Variants in DLC1 observed in about 807,000 individuals in gnomAD.
The protein encoded by DLC1 is DLC1 Rho GTPase activating protein.
DLC1 carries 54 observed loss-of-function variants against 140.3 expected under a neutral mutation model. The observed-to-expected ratio is 0.38, with a 90% CI of 0.31 to 0.48. DLC1 has a LOEUF of 0.48. Among genes scored for constraint, DLC1 ranks in the 20% least tolerant of loss-of-function variants. The pLI, the probability that DLC1 is intolerant of heterozygous loss-of-function variation, is 0.96. For synonymous variants in DLC1, 986 were observed against 728.1 expected, an observed-to-expected ratio of 1.35 and a Z score of -5.70; for missense variants, 2,536 against 1,907.0, an observed-to-expected ratio of 1.33 and a Z score of -6.14.
chr8:13,553,308 A>G (rs1484542660), intron 1 of DLC1, among the ~76,000 whole-genome samples: 1 of 140,736 alleles, frequency 7.1e-6, no homozygotes, highest in Non-Finnish European at 1.5e-5. Context: ...ATATAAGGCC[A>G]ATTTCTCCAT....
intron 1 of DLC1, among the ~76,000 whole-genome samples, chr8:13,514,038 T>A (rs1279146663): frequency 6.7e-6 from 1 of 148,900 alleles, no homozygotes; most frequent in Admixed American, 6.7e-5. Context: ...CGTGTTTACT[T>A]TTTTTTTTTA....
intron 5 of DLC1, among the ~76,000 whole-genome samples, chr8:13,253,431 A>ATGTGTGTGTGTG (rs3065442): frequency 1.3e-5 from 2 of 149,750 alleles, no homozygotes; most frequent in African/African-American, 4.9e-5. Context: ...AATACATATT[A>ATGTGTGTGTGTG]TGTGTGTGTG....
chr8:13,173,150 A>C (rs180685580), intron 5 of DLC1, among the ~76,000 whole-genome samples: 8 of 152,188 alleles, frequency 5.3e-5, no homozygotes, highest in Non-Finnish European at 8.8e-5. Flanking sequence ...AAGTAGACAA[A>C]CGTTTGAGCC....
At chr8:13,447,770 C>G (rs975798469) in intron 2 of DLC1, among the ~76,000 whole-genome samples, 3 of 151,990 alleles carry the variant, frequency 2.0e-5, no homozygotes, top group Non-Finnish European at 4.4e-5. Context: ...TAGTGTTGTT[C>G]TTTATTTTTA....
chr8:13,563,864 T>C (rs1323334261), intron 1 of DLC1, among the ~76,000 whole-genome samples: 1 of 152,144 alleles, frequency 6.6e-6, no homozygotes, highest in Non-Finnish European at 1.5e-5. Context: ...ATGTTGAAAA[T>C]AATTTTTACA....
At chr8:13,451,814 T>C (rs1268322390) in intron 2 of DLC1, among the ~76,000 whole-genome samples, 2 of 152,198 alleles carry the variant, frequency 1.3e-5, no homozygotes, top group Non-Finnish European at 2.9e-5. Context: ...TTGTGAACAG[T>C]GCTGCAACAA....
At chr8:13,102,197 C>G (rs1306118885) in intron 8 of DLC1, among the ~76,000 whole-genome samples, 1 of 152,196 alleles carries the variant, frequency 6.6e-6, no homozygotes, top group Non-Finnish European at 1.5e-5. Flanking sequence ...CTACACCCAC[C>G]TCTTCTCCTA....
intron 1 of DLC1, among the ~76,000 whole-genome samples, chr8:13,537,123 A>G (rs1445355554): frequency 1.5e-5 from 2 of 136,816 alleles, no homozygotes; most frequent in African/African-American, 4.9e-5. Flanking sequence ...ATAACAGTAC[A>G]TTAAAAAAAA....
intron 2 of DLC1, among the ~76,000 whole-genome samples, chr8:13,409,101 TC>T (rs1347019823): frequency 6.6e-6 from 1 of 152,132 alleles, no homozygotes; most frequent in Non-Finnish European, 1.5e-5. Context: ...CCCACTGGCC[TC>T]CGAATGTCAA....
At chr8:13,603,925 G>A (rs1410776431) in intron 1 of DLC1, among the ~76,000 whole-genome samples, 1 of 152,064 alleles carries the variant, frequency 6.6e-6, no homozygotes, top group Non-Finnish European at 1.5e-5. Flanking sequence ...GACTGCGTGA[G>A]TCTGTTTGGT....
chr8:13,261,625 C>A (rs997679139), intron 5 of DLC1, among the ~76,000 whole-genome samples: 39 of 152,164 alleles, frequency 2.6e-4, no homozygotes, highest in African/African-American at 9.2e-4. Context: ...TGTCTTGGCC[C>A]AGGGTGGTGG....
At chr8:13,528,058 A>G (rs1802975998) in intron 1 of DLC1, among the ~76,000 whole-genome samples, 1 of 152,174 alleles carries the variant, frequency 6.6e-6, no homozygotes, top group African/African-American at 2.4e-5. Flanking sequence ...CAAAAAAATC[A>G]TTATTGTTAG....
chr8:13,472,615 T>C (rs1031030975), intron 2 of DLC1, among the ~76,000 whole-genome samples: 4 of 152,170 alleles, frequency 2.6e-5, no homozygotes, highest in Non-Finnish European at 4.4e-5. Context: ...TCATGTTTCA[T>C]TGGGAAGAAC....
intron 5 of DLC1, among the ~76,000 whole-genome samples, chr8:13,161,967 C>G (rs538357200): frequency 2.0e-4 from 31 of 152,120 alleles, no homozygotes; most frequent in African/African-American, 7.2e-4. Context: ...AAATAAAACA[C>G]AAAGTAATTT....
intron 5 of DLC1, among the ~76,000 whole-genome samples, chr8:13,162,537 G>A (rs2116880638): frequency 6.6e-6 from 1 of 152,328 alleles, no homozygotes; most frequent in East Asian, 1.9e-4. Context: ...TGGCCAGGCT[G>A]GTCTTGAGCT....
At chr8:13,094,138 C>T (rs1005354529) in intron 12 of DLC1, among the ~76,000 whole-genome samples, 6 of 152,292 alleles carry the variant, frequency 3.9e-5, no homozygotes, top group Admixed American at 1.3e-4. Flanking sequence ...AAGAGATCTT[C>T]GTACCTGATC....
At chr8:13,572,414 G>A (rs1445752102) in intron 1 of DLC1, among the ~76,000 whole-genome samples, 1 of 152,112 alleles carries the variant, frequency 6.6e-6, no homozygotes, top group Non-Finnish European at 1.5e-5. Context: ...TGATTTGCAA[G>A]TATTTTCTCT....
At chr8:13,483,136 C>G (rs1265753134) in intron 2 of DLC1, among the ~76,000 whole-genome samples, 3 of 152,160 alleles carry the variant, frequency 2.0e-5, no homozygotes, top group African/African-American at 7.2e-5. Flanking sequence ...CTGCATCGGT[C>G]CAATCTCTGC....
chr8:13,354,512 T>G lies in DLC1; in HGVS notation c.1314+39041A>C, dbSNP rs141436775. On this transcript the variant is annotated intron_variant, in intron 4 of 17. Transcript: ENST00000276297. ...AGTATGGGCATGGAAATAAATAGAA[T>G]GTCTTTAGAAGTTAAAAAAATAACT... is the stretch of plus-strand genomic sequence containing the variant. 7.5e-3 allele frequency among the ~76,000 whole-genome samples: 600 copies of G among 79,508 alleles called. 3 individuals carry two copies. The highest frequency in any genetic ancestry group is 0.026 in the African/African-American group (580 of 22,622). 52.2% of individuals were successfully genotyped at this position (79,508 alleles called of 152,430 possible).
Sources: allele counts gnomAD v4.1 joint callset (sites outside exome capture counted in the v4.1 genomes callset), GRCh38; gene constraint gnomAD v4.1.1; transcripts MANE v1.5; gene names NCBI Gene and HGNC (gene_info 2026-07-23, HGNC 2026-07-21).